CTDSPL2: variants seen among roughly 807,000 people sequenced by gnomAD.
The protein encoded by CTDSPL2 is CTD small phosphatase-like protein 2.
In CTDSPL2, 5 loss-of-function variants were observed where a neutral mutation model predicts 60.0. The ratio of observed to expected loss-of-function variants is 0.08; its 90% CI spans 0.04 to 0.18. The LOEUF (loss-of-function observed/expected upper bound fraction) is 0.18. Ranked by LOEUF, CTDSPL2 falls within the 10% of genes least tolerant of loss-of-function variation. CTDSPL2 has a pLI of 1.00. For missense variants in CTDSPL2, 370 were observed against 548.8 expected (o/e 0.67, Z 3.26); for synonymous variants, 186 against 189.3 (o/e 0.98, Z 0.14).
At chr15:44,451,132 A>G (rs945119997) in intron 1 of CTDSPL2, among the ~76,000 whole-genome samples, 19 of 152,080 alleles carry the variant, frequency 1.2e-4, no homozygotes, top group African/African-American at 4.6e-4. Flanking sequence ...ACAGAGTCTC[A>G]GTCTGTTTCC....
intron 7 of CTDSPL2, 126 bp from the exon 8 acceptor site, chr15:44,499,601 T>C: frequency 1.8e-6 from 1 of 546,744 alleles, no homozygotes; most frequent in East Asian, 3.2e-5. Flanking sequence ...CATATAGTAA[T>C]ATATTATAAA....
intron 2 of CTDSPL2, chr15:44,470,443 A>G (rs1032436949): frequency 8.7e-5 from 13 of 149,814 alleles, no homozygotes; most frequent in African/African-American, 2.2e-4. Flanking sequence ...ATATATTTAC[A>G]TTGGCTTTTT....
chr15:44,459,103 T>C lies in CTDSPL2; in HGVS notation c.89T>C (p.Val30Ala). ...TARAKRKYSEVDDSLPSGGEK... is the reference protein window; with the variant it reads ...TARAKRKYSEADDSLPSGGEK... ...AGAGCAAAGAGGAAATATTCAGAGG[T>C]TGATGATAGCCTGCCTTCAGGAGGA... The change falls in exon 2 of 13, where the codon GTT (valine) becomes GCT (alanine). Residue 30 changes from valine to alanine, a missense_variant. Coordinates refer to ENST00000260327, the MANE Select transcript of CTDSPL2 (RefSeq NM_016396.3). The C allele has an allele frequency of 1.2e-6, 2 of 1,613,016 alleles. No individual in the cohort carries two copies. The highest frequency in any genetic ancestry group is 2.2e-5 in the East Asian group (1 of 44,704).
chr15:44,435,826 C>T (rs138814494), intron 1 of CTDSPL2, among the ~76,000 whole-genome samples: 1,636 of 152,058 alleles, frequency 0.011, 33 homozygotes, highest in African/African-American at 0.038. Context: ...AGGCTGGTCT[C>T]GAACTCCAGA....
At chr15:44,484,190 G>A in intron 2 of CTDSPL2, 34 bp from the exon 3 acceptor site, 1 of 1,565,486 alleles carries the variant, frequency 6.4e-7, no homozygotes, top group Non-Finnish European at 8.7e-7. Context: ...GAATGATTGT[G>A]CTTAGTGTGT....
At chr15:44,509,989 A>C (rs527533424) in intron 8 of CTDSPL2, among the ~76,000 whole-genome samples, 1 of 151,128 alleles carries the variant, frequency 6.6e-6, no homozygotes, top group East Asian at 1.9e-4. Context: ...TCAGTTCACA[A>C]CACCTTTTTT....
chr15:44,518,412 G>A (rs1377758115), intron 10 of CTDSPL2, among the ~76,000 whole-genome samples: 1 of 152,120 alleles, frequency 6.6e-6, no homozygotes, highest in African/African-American at 2.4e-5. Context: ...TTCTATGTGA[G>A]TGAAATATCA....
Position 44,488,882 on chromosome 15 carries a change from T to G in CTDSPL2, c.476-1902T>G, listed in dbSNP as rs910787060. Among the ~76,000 whole-genome samples the G allele has an allele frequency of 2.0e-5, 3 of 152,076 alleles. No homozygotes were observed. In the South Asian group the frequency reaches 6.2e-4, roughly 32 times the overall value. On this transcript the variant is annotated intron_variant, in intron 4 of 12. Coordinates refer to ENST00000260327, the MANE Select transcript of CTDSPL2 (RefSeq NM_016396.3). ...GTAATATTTTCCCCTCATGCTGAAG[T>G]AAAGAATCTCTGAAGGTGTGTATAT...
intron 1 of CTDSPL2, among the ~76,000 whole-genome samples, chr15:44,438,273 A>G (rs565990798): frequency 6.6e-6 from 1 of 152,204 alleles, no homozygotes; most frequent in African/African-American, 2.4e-5. Context: ...CAAAAAAAAA[A>G]AAAAAGAATG....
intron 1 of CTDSPL2, among the ~76,000 whole-genome samples, chr15:44,450,655 G>A (rs2080316911): frequency 2.1e-5 from 3 of 143,230 alleles, no homozygotes; most frequent in African/African-American, 7.9e-5. Flanking sequence ...GGAGTATAGC[G>A]GTGCAACCTT....
intron 2 of CTDSPL2, among the ~76,000 whole-genome samples, chr15:44,466,878 G>A (rs1202678910): frequency 6.6e-6 from 1 of 152,166 alleles, no homozygotes; most frequent in Non-Finnish European, 1.5e-5. Flanking sequence ...GATGGAGCTT[G>A]CAGTGAGCTG....
At chr15:44,464,521 C>T (rs1179375864) in intron 2 of CTDSPL2, among the ~76,000 whole-genome samples, 1 of 152,166 alleles carries the variant, frequency 6.6e-6, no homozygotes, top group African/African-American at 2.4e-5. Flanking sequence ...TGGCTGGACG[C>T]TGTCTAGAAG....
chr15:44,470,793 A>G (rs1282936122), intron 2 of CTDSPL2, among the ~76,000 whole-genome samples: 2 of 152,148 alleles, frequency 1.3e-5, no homozygotes, highest in Non-Finnish European at 2.9e-5. Context: ...AATTATTAAT[A>G]TGTTTGAGTT....
intron 4 of CTDSPL2, among the ~76,000 whole-genome samples, chr15:44,487,889 G>T (rs2081148304): frequency 6.6e-6 from 1 of 152,126 alleles, no homozygotes; most frequent in Non-Finnish European, 1.5e-5. Flanking sequence ...GCCGAGGCAG[G>T]TGGATCATGA....
At chr15:44,488,139 A>G (rs916822690) in intron 4 of CTDSPL2, among the ~76,000 whole-genome samples, 2 of 152,042 alleles carry the variant, frequency 1.3e-5, no homozygotes, top group African/African-American at 4.8e-5. Flanking sequence ...AAAGGAATAA[A>G]GAATGGCTCC....
chr15:44,439,671 A>G (rs2080046686), intron 1 of CTDSPL2, among the ~76,000 whole-genome samples: 1 of 152,022 alleles, frequency 6.6e-6, no homozygotes, highest in South Asian at 2.1e-4. Flanking sequence ...TCAACCTGTA[A>G]TTTATCTAGT....
chr15:44,511,810 G>A lies in CTDSPL2; in HGVS notation c.970-2788G>A, dbSNP rs144358512. ...TTGAACCTGGGAGGCAGAGGTTGCA[G>A]TAAGCCAAGATCATGTTACTGCACT... On this transcript the variant is annotated intron_variant, in intron 8 of 12. Coordinates refer to ENST00000260327, the MANE Select transcript of CTDSPL2 (RefSeq NM_016396.3). Among the ~76,000 whole-genome samples, 859 of 132,900 alleles carry A rather than the reference G, an allele frequency of 6.5e-3. 3 individuals are homozygous for A. Among genetic ancestry groups the A allele is most frequent in the African/African-American group, 0.018 (644 of 35,120 alleles). 87.2% of individuals were successfully genotyped at this position (132,900 alleles called of 152,430 possible). A position where few individuals can be genotyped will look rare whatever the true frequency, so the allele number is the denominator to read the frequency against.
In CTDSPL2 at chr15:44,525,383, A is replaced by G. The variant is rs1406300273; in HGVS notation, c.*1209A>G. 4 of 398,776 alleles carry G rather than the reference A, an allele frequency of 1.0e-5. No homozygotes were observed. Among genetic ancestry groups the G allele is most frequent in the Non-Finnish European group, 1.8e-5 (4 of 225,948 alleles). The allele number at this position is 398,776 out of a possible 1,614,324, so 24.7% of individuals were successfully genotyped here. A position where few individuals can be genotyped will look rare whatever the true frequency, so the allele number is the denominator to read the frequency against. On this transcript the variant is annotated 3_prime_UTR_variant, in exon 13 of 13. Coordinates refer to ENST00000260327, the MANE Select transcript of CTDSPL2 (RefSeq NM_016396.3). Reference sequence around the variant, plus strand: ...GCCTTGGTTCTCTAATGCAGCTACCACAAGAGGTTGATATTTTTATAGTGG... The same window carrying G: ...GCCTTGGTTCTCTAATGCAGCTACCGCAAGAGGTTGATATTTTTATAGTGG...
At chr15:44,521,648 A>G (rs1465947166) in intron 12 of CTDSPL2, among the ~76,000 whole-genome samples, 1 of 152,134 alleles carries the variant, frequency 6.6e-6, no homozygotes, top group Non-Finnish European at 1.5e-5. Context: ...TCTTTAAAAC[A>G]TAATGATGGG....
Sources: gnomAD v4.1 joint callset for allele counts (sites outside exome capture counted in the v4.1 genomes callset) on GRCh38, gnomAD v4.1.1 for gene constraint, MANE v1.5 for transcripts, NCBI Gene and HGNC (gene_info 2026-07-23, HGNC 2026-07-21) for gene names.